POLQ: variants seen among roughly 807,000 people sequenced by gnomAD.
POLQ encodes the protein epididymis secretory sperm binding protein.
A neutral mutation model predicts 259.2 loss-of-function variants in POLQ; 233 were observed. The observed-to-expected ratio is 0.90, with a 90% CI of 0.81 to 1.00. The LOEUF (loss-of-function observed/expected upper bound fraction) is 1.00. Among genes scored for constraint, POLQ ranks in the 50% least tolerant of loss-of-function variants. The pLI is 0.00. For synonymous variants in POLQ, 1,025 were observed against 1,048.8 expected, an observed-to-expected ratio of 0.98 and a Z score of 0.44; for missense variants, 2,871 against 3,051.6, an observed-to-expected ratio of 0.94 and a Z score of 1.39.
intron 26 of POLQ, among the ~76,000 whole-genome samples, chr3:121,440,690 G>A (rs139083006): frequency 9.1e-4 from 139 of 152,156 alleles, no homozygotes; most frequent in Middle Eastern, 3.4e-3. Context: ...ATTCCAGAAC[G>A]GGGCAGATAT....
chr3:121,460,737 T>G lies in POLQ; in HGVS notation c.6968-503A>C, dbSNP rs183818959. Among the ~76,000 whole-genome samples, 3 of 152,282 alleles carry G rather than the reference T, an allele frequency of 2.0e-5. No homozygotes were observed. In the East Asian group the frequency reaches 5.8e-4, roughly 29 times the overall value. The stretch of plus-strand genomic sequence containing the variant: ...GGCTGGAGAGAAATGTGTGCCCTGA[T>G]TTGACAATAACAAAGTCATTCAGTG... On this transcript the variant is annotated intron_variant, in intron 24 of 29. Coordinates refer to ENST00000264233, the MANE Select transcript of POLQ (RefSeq NM_199420.4).
intron 24 of POLQ, among the ~76,000 whole-genome samples, chr3:121,465,521 G>C (rs1390504922): frequency 6.6e-6 from 1 of 151,466 alleles, no homozygotes; most frequent in Non-Finnish European, 1.5e-5. Flanking sequence ...GATATTGCAG[G>C]TTTTTTTCTT....
chr3:121,440,624 C>T (rs1177625864), intron 26 of POLQ, among the ~76,000 whole-genome samples: 2 of 152,206 alleles, frequency 1.3e-5, no homozygotes, highest in East Asian at 3.9e-4. Context: ...GTGTGAGCTA[C>T]TACATGGCCT....
chr3:121,539,668 T>C lies in POLQ; in HGVS notation c.475-79A>G, dbSNP rs2048476933. The C allele has an allele frequency of 4.0e-6, 4 of 1,011,642 alleles. No homozygotes were observed. In the Admixed American group the frequency reaches 6.6e-5, roughly 17 times the overall value. 62.7% of individuals were successfully genotyped at this position (1,011,642 alleles called of 1,614,324 possible). Reference sequence around the variant, plus strand: ...TATAAACTGGTTCTATCCCAGAACATAGACATAAGTATCTAAAGACATCTA... The same window carrying C: ...TATAAACTGGTTCTATCCCAGAACACAGACATAAGTATCTAAAGACATCTA... On this transcript the variant is annotated intron_variant, in intron 3 of 29. Transcript: ENST00000264233.
chr3:121,526,899 G>GCA (rs2048377740), intron 7 of POLQ, among the ~76,000 whole-genome samples: 2 of 151,864 alleles, frequency 1.3e-5, no homozygotes, highest in African/African-American at 2.4e-5. Context: ...GTGCGCGCGC[G>GCA]CACGCACGTG....
chr3:121,469,979 T>C (rs1217121724), intron 22 of POLQ, among the ~76,000 whole-genome samples: 1 of 152,194 alleles, frequency 6.6e-6, no homozygotes, highest in East Asian at 1.9e-4. Context: ...TCTTCTGTTT[T>C]GTAAAGAACA....
chr3:121,437,126 C>T (rs1292827608), intron 27 of POLQ, among the ~76,000 whole-genome samples: 1 of 152,080 alleles, frequency 6.6e-6, no homozygotes, highest in African/African-American at 2.4e-5. Flanking sequence ...CTCAGCTACT[C>T]AGGAGGCTAA....
intron 22 of POLQ, among the ~76,000 whole-genome samples, chr3:121,471,563 G>A (rs376348741): frequency 3.3e-5 from 5 of 152,104 alleles, no homozygotes; most frequent in South Asian, 4.2e-4. Context: ...TCAATGTGAC[G>A]AAACCCCATC....
In POLQ at chr3:121,436,223, A is replaced by C; in HGVS notation, c.7442T>G (p.Val2481Gly). The C allele has an allele frequency of 6.2e-7, 1 of 1,613,866 alleles. No homozygotes were observed. Reference sequence around the variant, plus strand: ...CTGAATGTTAACTGTGGCTATTTTGACAATATCAGCTGCTGATCCTTGGAC... The same window carrying C: ...CTGAATGTTAACTGTGGCTATTTTGCCAATATCAGCTGCTGATCCTTGGAC... Reference protein sequence around the residue: ...TIVQGSAADIVKIATVNIQKQ... With the variant: ...TIVQGSAADIGKIATVNIQKQ... The change falls in exon 28 of 30, where the codon GTC becomes GGC. Residue 2481 changes from valine (V) to glycine (G), a missense_variant. Val to Gly is a moderately radical substitution (Grantham distance 109). Coordinates refer to ENST00000264233, the MANE Select transcript of POLQ (RefSeq NM_199420.4).
In POLQ at chr3:121,448,918, A is replaced by C. The variant is rs1378190333; in HGVS notation, c.7264+397T>G. The stretch of plus-strand genomic sequence containing the variant: ...AAAAGATCATTTAAGACAATACTCA[A>C]ACTGCTCTATAACAGCAATTGTTCT... On this transcript the variant is annotated intron_variant, in intron 26 of 29. Transcript: ENST00000264233. Among the ~76,000 whole-genome samples the C allele has an allele frequency of 2.0e-5, 3 of 152,314 alleles. No homozygotes were observed. The East Asian group carries it at 5.8e-4, about 29-fold the overall frequency.
intron 19 of POLQ, among the ~76,000 whole-genome samples, chr3:121,478,896 G>A (rs1279936727): frequency 6.6e-6 from 1 of 152,098 alleles, no homozygotes; most frequent in African/African-American, 2.4e-5. Context: ...GAATTACAGG[G>A]AAAATTAGAC....
chr3:121,492,273 G>T (rs1030518499), intron 15 of POLQ, among the ~76,000 whole-genome samples: 3 of 152,158 alleles, frequency 2.0e-5, no homozygotes, highest in Non-Finnish European at 4.4e-5. Context: ...GTACCTGAAA[G>T]TAACTAAATA....
Position 121,511,908 on chromosome 3 carries a change from G to A in POLQ, c.1590C>T (p.Ser530=), listed in dbSNP as rs1433064450. ...TTACCTCCAGAATAGCTCGTATCATGCTGCCAGTTACTTCTTCTCCTTCTC... is the reference window on the plus strand; with the variant it reads ...TTACCTCCAGAATAGCTCGTATCATACTGCCAGTTACTTCTTCTCCTTCTC... The part of the protein sequence containing the change: ...QRREGEEVTG[S]MIRAILEIIV... The change falls in exon 10 of 30, where the codon AGC becomes AGT. Residue 530 remains serine (S), a synonymous_variant. Transcript: ENST00000264233. 6.2e-7 allele frequency: 1 copy of A among 1,613,676 alleles called. No individual in the cohort carries two copies. The highest frequency in any genetic ancestry group is 8.5e-7 in the Non-Finnish European group (1 of 1,179,740).
Position 121,467,588 on chromosome 3 carries a change from C to G in POLQ, c.6898G>C (p.Glu2300Gln), listed in dbSNP as rs2047848926. 1 of 1,613,754 alleles carries G rather than the reference C, an allele frequency of 6.2e-7. No individual in the cohort carries two copies. Among genetic ancestry groups the G allele is most frequent in the African/African-American group, 1.3e-5 (1 of 74,924 alleles). Residue 2300 changes from glutamate to glutamine, a missense_variant, in exon 24 of 30, where the codon GAG becomes CAG. This residue lies in a region of POLQ where 2,080 missense variants were observed against 2,126.0 expected (regional missense o/e 0.98). Transcript: ENST00000264233. ...SVNPRCQAQMEERAADRGMPF... is the reference protein window; with the variant it reads ...SVNPRCQAQMQERAADRGMPF... ...ATTCCTCTGTCTGCAGCTCTCTCCT[C>G]CATCTGTGCCTGGCATCTAGGATTC...
At chr3:121,475,639 G>C (rs993569243) in intron 20 of POLQ, among the ~76,000 whole-genome samples, 1 of 151,950 alleles carries the variant, frequency 6.6e-6, no homozygotes, top group Non-Finnish European at 1.5e-5. Context: ...TTTTGGGGGG[G>C]TGAAGCTTTC....
At chr3:121,445,113 C>G (rs562879464) in intron 26 of POLQ, among the ~76,000 whole-genome samples, 1 of 152,258 alleles carries the variant, frequency 6.6e-6, no homozygotes, top group African/African-American at 2.4e-5. Flanking sequence ...TAGGGTAATA[C>G]TGGCCTCACA....
At chr3:121,500,631 T>C (rs1030977947) in intron 12 of POLQ, among the ~76,000 whole-genome samples, 2 of 151,934 alleles carry the variant, frequency 1.3e-5, no homozygotes, top group African/African-American at 2.4e-5. Context: ...CAGGAGAAGA[T>C]AGAAAGGAAA....
rs2048422019 is a variant in POLQ, at chr3:121,532,980, A to G, written c.960+10T>C. 1 of 1,530,968 alleles carries G rather than the reference A, an allele frequency of 6.5e-7. No homozygotes were observed. Among genetic ancestry groups the G allele is most frequent in the South Asian group, 1.1e-5 (1 of 87,406 alleles). 94.8% of individuals were successfully genotyped at this position (1,530,968 alleles called of 1,614,324 possible). A position where few individuals can be genotyped will look rare whatever the true frequency, so the allele number is the denominator to read the frequency against. Reference sequence around the variant, plus strand: ...ATAAAAATAGTAGTGATGTACATATATTGATTTACCTTCACTTGTAGCATG... The same window carrying G: ...ATAAAAATAGTAGTGATGTACATATGTTGATTTACCTTCACTTGTAGCATG... On this transcript the variant is annotated intron_variant, in intron 6 of 29. Transcript: ENST00000264233.
chr3:121,433,670 C>G (rs2047520207), intron 28 of POLQ, among the ~76,000 whole-genome samples: 2 of 152,196 alleles, frequency 1.3e-5, no homozygotes, highest in South Asian at 4.1e-4. Flanking sequence ...AAAATATATA[C>G]TAGACTTAGT....
Sources: gnomAD v4.1 joint callset for allele counts (sites outside exome capture counted in the v4.1 genomes callset) on GRCh38, gnomAD v4.1.1 for gene constraint, gnomAD v4.1.1 regional missense constraint, MANE v1.5 for transcripts, NCBI Gene and HGNC (gene_info 2026-07-23, HGNC 2026-07-21) for gene names.